Variants in SLC17A5 observed in about 807,000 individuals in gnomAD.
SLC17A5 encodes the protein solute carrier family 17 member 5.
A neutral mutation model predicts 59.4 loss-of-function variants in SLC17A5; 47 were observed. That is an observed-to-expected ratio of 0.79 (90% CI 0.63 to 1.01). The LOEUF is 1.01. Among genes scored for constraint, SLC17A5 ranks in the 50% least tolerant of loss-of-function variants. The pLI is 0.00. For missense variants in SLC17A5, 522 were observed against 595.5 expected, an observed-to-expected ratio of 0.88 and a Z score of 1.28; for synonymous variants, 202 against 210.7, an observed-to-expected ratio of 0.96 and a Z score of 0.36.
In SLC17A5 at chr6:73,605,551, A is replaced by G. The variant is rs148419522; in HGVS notation, c.1259+4849T>C. Among the ~76,000 whole-genome samples, 897 of 152,272 alleles carry G rather than the reference A, an allele frequency of 5.9e-3. 11 individuals are homozygous for G. Among genetic ancestry groups the G allele is most frequent in the East Asian group, 0.048 (247 of 5,190 alleles). On this transcript the variant is annotated intron_variant, in intron 9 of 10. Transcript: ENST00000355773. ...TGAATGAAGAAATTCCAGTTGGAAA[A>G]GAAAAACTAAAAAGCTCATCTGAAG... is the stretch of plus-strand genomic sequence containing the variant.
intron 9 of SLC17A5, among the ~76,000 whole-genome samples, chr6:73,605,125 G>A (rs1381203391): frequency 6.6e-6 from 1 of 152,074 alleles, no homozygotes; most frequent in Non-Finnish European, 1.5e-5. Flanking sequence ...GATTACAGGC[G>A]AGAGCCACTG....
At chr6:73,613,235 A>C (rs1767709289) in intron 8 of SLC17A5, among the ~76,000 whole-genome samples, 1 of 152,190 alleles carries the variant, frequency 6.6e-6, no homozygotes, top group African/African-American at 2.4e-5. Flanking sequence ...ATCTTGTCTA[A>C]AGTTGATATA....
intron 8 of SLC17A5, among the ~76,000 whole-genome samples, chr6:73,610,918 A>C (rs150973691): frequency 6.6e-6 from 1 of 152,316 alleles, no homozygotes; most frequent in African/African-American, 2.4e-5. Flanking sequence ...GATAAACTGA[A>C]TAATAAACTC....
chr6:73,653,752 C>A, intron 1 of SLC17A5, 41 bp downstream of exon 1: 2 of 1,525,850 alleles, frequency 1.3e-6, no homozygotes, highest in Non-Finnish European at 1.8e-6. Context: ...GCCCCCGGTA[C>A]CGCTGCCCAC....
chr6:73,635,316 C>G (rs971214080), intron 6 of SLC17A5, 66 bp downstream of exon 6: 4 of 877,790 alleles, frequency 4.6e-6, no homozygotes, highest in Admixed American at 3.7e-5. Flanking sequence ...TTTTTAAAAA[C>G]TGATATCTTA....
In SLC17A5 at chr6:73,653,946, G is replaced by T; in HGVS notation, c.-60C>A. 13 of 1,445,404 alleles carry T rather than the reference G, an allele frequency of 9.0e-6. No homozygotes were observed. Among genetic ancestry groups the T allele is most frequent in the Non-Finnish European group, 1.2e-5 (13 of 1,054,962 alleles). The allele number at this position is 1,445,404 out of a possible 1,614,324, so 89.5% of individuals were successfully genotyped here. ...CAGAGAAGGGAGCGCCGGCCCGACA[G>T]CCCGAAGCCCCCGGGCCGAGCTGGC... On this transcript the variant is annotated 5_prime_UTR_variant, in exon 1 of 11. In the 5' UTR this introduces an upstream ATG that the reference lacks. Transcript: ENST00000355773.
intron 10 of SLC17A5, among the ~76,000 whole-genome samples, chr6:73,599,085 G>C (rs1195669120): frequency 3.9e-5 from 6 of 152,148 alleles, no homozygotes; most frequent in Non-Finnish European, 8.8e-5. Context: ...GGGAGGCTGA[G>C]GCAGGAGAAT....
intron 1 of SLC17A5, among the ~76,000 whole-genome samples, chr6:73,647,244 T>C (rs1175747675): frequency 6.6e-6 from 1 of 152,240 alleles, no homozygotes; most frequent in Admixed American, 6.5e-5. Flanking sequence ...ATCTGGACCC[T>C]GCATGGAGAC....
At chr6:73,653,585 C>T in intron 1 of SLC17A5, 1 of 732,202 alleles carries the variant, frequency 1.4e-6, no homozygotes, top group Non-Finnish European at 1.7e-6. Context: ...ACGGTCGCGG[C>T]CCCCGGGGTT....
intron 6 of SLC17A5, among the ~76,000 whole-genome samples, chr6:73,632,291 CA>C (rs71000140): frequency 0.25 from 15,854 of 63,516 alleles, 710 homozygotes; most frequent in African/African-American, 0.36. Context: ...GAGCTAGACT[CA>C]AAAAAAAAAA....
At chr6:73,646,986 T>C (rs1342996608) in intron 1 of SLC17A5, among the ~76,000 whole-genome samples, 2 of 152,202 alleles carry the variant, frequency 1.3e-5, no homozygotes, top group African/African-American at 4.8e-5. Flanking sequence ...GAACATGTTT[T>C]CTTTATCATT....
In SLC17A5 at chr6:73,644,532, AT is replaced by A; in HGVS notation, c.165del (p.Leu56TyrfsTer3). On this transcript the variant is annotated frameshift_variant, in exon 2 of 11. Transcript: ENST00000355773. LOFTEE classifies it high-confidence loss of function. The stretch of plus-strand genomic sequence containing the variant: ...AACGCAACACTCAGATTCACACGTA[AT>A]GCATACACAATGAAGAAACCAAAAA... Reference protein sequence around the residue: ...LAFFGFFIVYALRVNLSVALV... With the variant: ...LAFFGFFIVYXLRVNLSVALV... 6.2e-7 allele frequency: 1 copy of A among 1,614,128 alleles called. No homozygotes were observed. The highest frequency in any genetic ancestry group is 1.7e-5 in the Admixed American group (1 of 60,016).
chr6:73,595,579 A>T (rs1316398700), intron 10 of SLC17A5, among the ~76,000 whole-genome samples: 2 of 152,160 alleles, frequency 1.3e-5, no homozygotes, highest in African/African-American at 4.8e-5. Context: ...GTGAAGGAAA[A>T]ATAGGAGGAA....
At chr6:73,621,340 T>C (rs1768143814) in intron 7 of SLC17A5, among the ~76,000 whole-genome samples, 1 of 152,206 alleles carries the variant, frequency 6.6e-6, no homozygotes, top group Admixed American at 6.5e-5. Flanking sequence ...GGTTTCACCA[T>C]GTTGCCCGGT....
chr6:73,606,025 T>A (rs1245461990), intron 9 of SLC17A5, among the ~76,000 whole-genome samples: 1 of 149,762 alleles, frequency 6.7e-6, no homozygotes, highest in African/African-American at 2.5e-5. Flanking sequence ...TTGAATTTGA[T>A]GAGATTTATT....
In SLC17A5 at chr6:73,610,423, G is replaced by A. The variant is rs762719675; in HGVS notation, c.1236C>T (p.Ile412=). Reference sequence around the variant, plus strand: ...ACGAAGGAGCAATATCCAGATGGTTGATGCTAAATCCAGAAGAGCAAAAGC... The same window carrying A: ...ACGAAGGAGCAATATCCAGATGGTTAATGCTAAATCCAGAAGAGCAAAAGC... ...LGGFCSSGFS[I]NHLDIAPSYA... is the part of the protein sequence containing the mutation. Residue 412 remains isoleucine, a synonymous_variant, in exon 9 of 11, where the codon ATC becomes ATT. Transcript: ENST00000355773. 1.2e-6 allele frequency: 2 copies of A among 1,614,060 alleles called. No homozygotes were observed. The highest frequency in any genetic ancestry group is 2.2e-5 in the South Asian group (2 of 91,072).
intron 1 of SLC17A5, among the ~76,000 whole-genome samples, chr6:73,651,113 A>G (rs954505521): frequency 6.6e-6 from 1 of 152,184 alleles, no homozygotes; most frequent in Non-Finnish European, 1.5e-5. Flanking sequence ...AAACATTTCA[A>G]TCATTTGGAA....
intron 1 of SLC17A5, among the ~76,000 whole-genome samples, chr6:73,649,240 C>T (rs945952994): frequency 9.9e-5 from 15 of 152,176 alleles, no homozygotes; most frequent in African/African-American, 2.7e-4. Flanking sequence ...TCAGGCAATC[C>T]GCCCACCTTG....
intron 9 of SLC17A5, among the ~76,000 whole-genome samples, chr6:73,606,045 A>G (rs371009740): frequency 3.9e-5 from 6 of 151,914 alleles, no homozygotes; most frequent in African/African-American, 1.5e-4. Context: ...TTATTTATTT[A>G]TTTATTTAAT....
Sources: allele counts gnomAD v4.1 joint callset (sites outside exome capture counted in the v4.1 genomes callset), GRCh38; gene constraint gnomAD v4.1.1; transcripts MANE v1.5; gene names NCBI Gene and HGNC (gene_info 2026-07-23, HGNC 2026-07-21).